Variants in ATAD2B observed in about 807,000 individuals in gnomAD.
The protein encoded by ATAD2B is ATPase family AAA domain containing 2B.
Under a neutral mutation model 167.6 loss-of-function variants are expected in ATAD2B, and 40 were observed. The ratio of observed to expected loss-of-function variants is 0.24; its 90% CI spans 0.19 to 0.31. The LOEUF (loss-of-function observed/expected upper bound fraction) is 0.31, where lower values mean the gene tolerates loss of function less well. ATAD2B is among the 10% of genes least tolerant of loss of function. ATAD2B has a pLI of 1.00. For missense variants in ATAD2B, 1,242 were observed against 1,757.2 expected, an observed-to-expected ratio of 0.71 and a Z score of 5.24; for synonymous variants, 579 against 596.5, an observed-to-expected ratio of 0.97 and a Z score of 0.43.
intron 6 of ATAD2B, 149 bp downstream of exon 6, chr2:23,884,616 C>A (rs1698423122): frequency 2.3e-6 from 1 of 434,076 alleles, no homozygotes; most frequent in Non-Finnish European, 4.1e-6. Context: ...AGATTGCCAA[C>A]TGAATTTAAA....
At chr2:23,733,332 C>T in the ATAD2B span, among the ~76,000 whole-genome samples, 1 of 152,182 alleles carries the variant, frequency 6.6e-6, no homozygotes, top group Admixed American at 6.5e-5. Flanking sequence ...AAAATCGTCT[C>T]CTCAAGTTCC....
the ATAD2B span, among the ~76,000 whole-genome samples, chr2:23,741,572 A>G: frequency 6.6e-6 from 1 of 152,224 alleles, no homozygotes; most frequent in African/African-American, 2.4e-5. Context: ...TTAAAGACTT[A>G]AACGTTAGCC....
At chr2:23,869,966 T>C (rs1695678267) in intron 8 of ATAD2B, among the ~76,000 whole-genome samples, 1 of 152,022 alleles carries the variant, frequency 6.6e-6, no homozygotes, top group African/African-American at 2.4e-5. Flanking sequence ...TCCCAGCACT[T>C]TGGGCAGTCA....
At chr2:23,698,027 AG>A in the ATAD2B span, 1 of 152,368 alleles carries the variant, frequency 6.6e-6, no homozygotes, top group East Asian at 1.9e-4. Flanking sequence ...TGATAAATAT[AG>A]GGATTTGTTC....
chr2:23,912,514 A>C (rs1465223634), intron 1 of ATAD2B, among the ~76,000 whole-genome samples: 2 of 152,096 alleles, frequency 1.3e-5, no homozygotes, highest in Non-Finnish European at 2.9e-5. Context: ...CTCAAAAAAA[A>C]ACGAAAGGAA....
At chr2:23,865,907 TA>T in intron 10 of ATAD2B, 1 of 842,252 alleles carries the variant, frequency 1.2e-6, no homozygotes, top group Non-Finnish European at 1.4e-6. Flanking sequence ...AAAAATGCTT[TA>T]AGAAAATTTT....
the ATAD2B span, among the ~76,000 whole-genome samples, chr2:23,698,142 G>A: frequency 6.6e-6 from 1 of 152,208 alleles, no homozygotes; most frequent in South Asian, 2.1e-4. Context: ...CTTCCCTGGG[G>A]GGCAAGGCCC....
At chr2:23,892,602 G>C (rs936601864) in intron 2 of ATAD2B, among the ~76,000 whole-genome samples, 2 of 151,696 alleles carry the variant, frequency 1.3e-5, no homozygotes, top group African/African-American at 4.8e-5. Flanking sequence ...CTCCCAACTA[G>C]CTGGGTACAG....
the ATAD2B span, among the ~76,000 whole-genome samples, chr2:23,692,694 G>A: frequency 6.6e-6 from 1 of 151,436 alleles, no homozygotes; most frequent in African/African-American, 2.4e-5. Context: ...CCCTGGGAGG[G>A]ACAGTATTGG....
intron 13 of ATAD2B, 66 bp downstream of exon 13, chr2:23,857,349 G>T: frequency 1.2e-6 from 1 of 865,940 alleles, no homozygotes; most frequent in Non-Finnish European, 1.7e-6. Flanking sequence ...TTAGCTAAGG[G>T]CTAAGGCTAA....
intron 1 of ATAD2B, among the ~76,000 whole-genome samples, chr2:23,918,118 C>A (rs1459857861): frequency 6.7e-6 from 1 of 149,484 alleles, no homozygotes; most frequent in East Asian, 2.0e-4. Context: ...TGTAATCCCA[C>A]ACTTTAGGAA....
the ATAD2B span, among the ~76,000 whole-genome samples, chr2:23,720,391 T>C: frequency 1.7e-4 from 26 of 152,024 alleles, no homozygotes; most frequent in African/African-American, 3.9e-4. Flanking sequence ...CTGGCCAACA[T>C]AGTAAAACCC....
chr2:23,899,145 G>A (rs370415756), intron 1 of ATAD2B, among the ~76,000 whole-genome samples: 2 of 151,774 alleles, frequency 1.3e-5, no homozygotes, highest in South Asian at 2.1e-4. Context: ...GGAAACTGTC[G>A]CAAAAGAATA....
chr2:23,704,180 C>T, the ATAD2B span, among the ~76,000 whole-genome samples: 3 of 152,252 alleles, frequency 2.0e-5, no homozygotes, highest in African/African-American at 7.2e-5. Flanking sequence ...CCACCTGCCC[C>T]ATCACAGACA....
chr2:23,919,624 C>T (rs1490234659), intron 1 of ATAD2B, among the ~76,000 whole-genome samples: 1 of 151,908 alleles, frequency 6.6e-6, no homozygotes, highest in East Asian at 1.9e-4. Context: ...GGGCAAATCA[C>T]CTAAGGTCAG....
chr2:23,920,898 A>C (rs1416386335), intron 1 of ATAD2B, among the ~76,000 whole-genome samples: 1 of 152,014 alleles, frequency 6.6e-6, no homozygotes, highest in Non-Finnish European at 1.5e-5. Context: ...AAGACCAAAA[A>C]CCTAAGTATA....
chr2:23,775,066 C>CA (rs969484917), intron 22 of ATAD2B, among the ~76,000 whole-genome samples: 8 of 151,694 alleles, frequency 5.3e-5, no homozygotes, highest in African/African-American at 1.9e-4. Flanking sequence ...TAACTATGGG[C>CA]AAAAAAGTAA....
At chr2:23,692,332 C>T in the ATAD2B span, among the ~76,000 whole-genome samples, 2 of 152,246 alleles carry the variant, frequency 1.3e-5, no homozygotes, top group Non-Finnish European at 2.9e-5. Context: ...CTTGAGTACC[C>T]AGATCTGCTG....
chr2:23,741,558 T>G, the ATAD2B span, among the ~76,000 whole-genome samples: 1 of 152,142 alleles, frequency 6.6e-6, no homozygotes, highest in Non-Finnish European at 1.5e-5. Flanking sequence ...TAATTCAAGA[T>G]GGATTAAAGA....
Sources: gnomAD v4.1 joint callset for allele counts (sites outside exome capture counted in the v4.1 genomes callset) on GRCh38, gnomAD v4.1.1 for gene constraint, MANE v1.5 for transcripts, NCBI Gene and HGNC (gene_info 2026-07-23, HGNC 2026-07-21) for gene names.